Variants in GPC6 observed in about 807,000 individuals in gnomAD.
GPC6 encodes the protein glypican-6.
Under a neutral mutation model 55.2 loss-of-function variants are expected in GPC6, and 14 were observed. The observed-to-expected ratio is 0.25, with a 90% confidence interval of 0.17 to 0.40. GPC6 has a LOEUF of 0.40. GPC6 is among the 10% of genes least tolerant of loss of function. The probability of loss-of-function intolerance (pLI) is 1.00; values close to 1 mark genes in which losing one functional copy is unlikely to be tolerated. For missense variants in GPC6, 641 were observed against 708.5 expected (o/e 0.90, Z 1.08); for synonymous variants, 278 against 259.6 (o/e 1.07, Z -0.68).
At chr13:94,326,806 T>C (rs1018491685) in intron 6 of GPC6, among the ~76,000 whole-genome samples, 7 of 152,208 alleles carry the variant, frequency 4.6e-5, no homozygotes, top group African/African-American at 7.2e-5. Flanking sequence ...AGCAACACAG[T>C]GAGTGAAAGT....
intron 4 of GPC6, among the ~76,000 whole-genome samples, chr13:94,055,092 G>A (rs1884085957): frequency 6.6e-6 from 1 of 152,152 alleles, no homozygotes; most frequent in Non-Finnish European, 1.5e-5. Flanking sequence ...TTTGGATATT[G>A]TCGTCTGACA....
At chr13:93,437,848 T>C (rs1255003376) in intron 1 of GPC6, among the ~76,000 whole-genome samples, 3 of 152,196 alleles carry the variant, frequency 2.0e-5, no homozygotes, top group Non-Finnish European at 4.4e-5. Context: ...GAAAATACCA[T>C]GTAAGACTTT....
intron 2 of GPC6, among the ~76,000 whole-genome samples, chr13:93,656,981 G>A (rs2139606806): frequency 6.6e-6 from 1 of 152,152 alleles, no homozygotes; most frequent in East Asian, 1.9e-4. Context: ...AACATTCCAT[G>A]CACAAGGATA....
intron 2 of GPC6, among the ~76,000 whole-genome samples, chr13:93,583,257 C>G (rs1877018335): frequency 6.6e-6 from 1 of 152,176 alleles, no homozygotes; most frequent in Non-Finnish European, 1.5e-5. Context: ...TTAGTCGTCT[C>G]CTTTTCTCCC....
At chr13:94,078,430 A>G (rs1884993949) in intron 4 of GPC6, among the ~76,000 whole-genome samples, 2 of 151,998 alleles carry the variant, frequency 1.3e-5, no homozygotes, top group South Asian at 4.2e-4. Context: ...AACAAAATAG[A>G]GGTTGGAAGA....
chr13:93,393,373 C>T (rs569397923), intron 1 of GPC6, among the ~76,000 whole-genome samples: 12 of 152,022 alleles, frequency 7.9e-5, no homozygotes, highest in African/African-American at 2.2e-4. Context: ...CTCCTGATCT[C>T]GTGATCGTGA....
intron 2 of GPC6, among the ~76,000 whole-genome samples, chr13:93,698,795 T>A (rs896212028): frequency 8.6e-5 from 13 of 152,028 alleles, no homozygotes; most frequent in African/African-American, 3.1e-4. Flanking sequence ...CCCTCCCTCT[T>A]TTCCCTCTCT....
intron 2 of GPC6, among the ~76,000 whole-genome samples, chr13:93,591,421 G>T (rs9589787): frequency 6.7e-6 from 1 of 148,540 alleles, no homozygotes; most frequent in African/African-American, 2.5e-5. Flanking sequence ...TCGAGATCGC[G>T]CCACTGCACT....
chr13:94,228,761 A>G (rs1890632091), intron 4 of GPC6, among the ~76,000 whole-genome samples: 1 of 151,736 alleles, frequency 6.6e-6, no homozygotes, highest in African/African-American at 2.4e-5. Flanking sequence ...GGGTTTGTTG[A>G]ATGCCCTCTC....
chr13:93,291,577 T>C (rs1478229983), intron 1 of GPC6, among the ~76,000 whole-genome samples: 2 of 152,174 alleles, frequency 1.3e-5, no homozygotes, highest in Non-Finnish European at 2.9e-5. Flanking sequence ...CTTCAGCCAG[T>C]AATTTTTGTC....
chr13:93,906,731 G>A (rs917454021), intron 3 of GPC6, among the ~76,000 whole-genome samples: 24 of 152,024 alleles, frequency 1.6e-4, no homozygotes, highest in Non-Finnish European at 1.0e-4. Flanking sequence ...TTCCCTTTAG[G>A]TATCTTTGCT....
chr13:93,650,579 A>G (rs1323699335), intron 2 of GPC6, among the ~76,000 whole-genome samples: 1 of 152,232 alleles, frequency 6.6e-6, no homozygotes, highest in Non-Finnish European at 1.5e-5. Context: ...AGAAATGTGT[A>G]TGTTAACAGC....
intron 1 of GPC6, among the ~76,000 whole-genome samples, chr13:93,463,580 G>T (rs1878784984): frequency 6.6e-6 from 1 of 152,048 alleles, no homozygotes; most frequent in Non-Finnish European, 1.5e-5. Flanking sequence ...GTTTATTGTA[G>T]GTATCTCATT....
intron 1 of GPC6, among the ~76,000 whole-genome samples, chr13:93,311,976 A>G (rs913523375): frequency 2.0e-5 from 3 of 152,208 alleles, no homozygotes; most frequent in Non-Finnish European, 2.9e-5. Flanking sequence ...GAGAAAATGC[A>G]CACCTTAACA....
intron 5 of GPC6, among the ~76,000 whole-genome samples, chr13:94,292,247 A>G (rs1402573990): frequency 9.1e-6 from 1 of 109,776 alleles, no homozygotes; most frequent in Non-Finnish European, 1.8e-5. Context: ...CCATCTCGCT[A>G]ATCGATGCAT....
intron 3 of GPC6, among the ~76,000 whole-genome samples, chr13:93,944,987 C>T (rs2140367129): frequency 6.6e-6 from 1 of 152,150 alleles, no homozygotes; most frequent in African/African-American, 2.4e-5. Context: ...AGAGAAGAAC[C>T]AAGACTAATG....
At chr13:93,439,722 A>AAAAAAT (rs1393716956) in intron 1 of GPC6, among the ~76,000 whole-genome samples, 87 of 150,854 alleles carry the variant, frequency 5.8e-4, no homozygotes, top group African/African-American at 2.1e-3. Flanking sequence ...AATAAAATAA[A>AAAAAAT]ACACCAAGCT....
At chr13:93,994,045 C>T (rs898479524) in intron 3 of GPC6, among the ~76,000 whole-genome samples, 1 of 152,098 alleles carries the variant, frequency 6.6e-6, no homozygotes, top group Non-Finnish European at 1.5e-5. Flanking sequence ...AAACAAAATA[C>T]TTACGTTTAT....
In GPC6 at chr13:93,340,987, C is replaced by A. The variant is rs557102734; in HGVS notation, c.160+113371C>A. On this transcript the variant is annotated intron_variant, in intron 1 of 8. Coordinates refer to ENST00000377047, the MANE Select transcript of GPC6 (RefSeq NM_005708.5). ...TTGCAACCTCATACCTTAGCTCCGA[C>A]TTATGAGAACATTCAATATTTGGTT... Among the ~76,000 whole-genome samples the A allele has an allele frequency of 2.0e-5, 3 of 152,254 alleles. No individual in the cohort carries two copies. The East Asian group carries it at 5.8e-4, about 29-fold the overall frequency.
Sources: gnomAD v4.1 joint callset for allele counts (sites outside exome capture counted in the v4.1 genomes callset) on GRCh38, gnomAD v4.1.1 for gene constraint, MANE v1.5 for transcripts, NCBI Gene and HGNC (gene_info 2026-07-23, HGNC 2026-07-21) for gene names.